The following ADSS2 variants were observed in gnomAD, a reference collection of about 807,000 sequenced individuals.
ADSS2 encodes the protein adenylosuccinate synthase 2.
In ADSS2, 30 loss-of-function variants were observed where a neutral mutation model predicts 60.0. That is an observed-to-expected ratio of 0.50 (90% CI 0.37 to 0.68). ADSS2 has a LOEUF of 0.68. Among genes scored for constraint, ADSS2 ranks in the 30% least tolerant of loss-of-function variants. The pLI, the probability that ADSS2 is intolerant of heterozygous loss-of-function variation, is 0.00. For synonymous variants in ADSS2, 187 were observed against 193.1 expected, an observed-to-expected ratio of 0.97 and a Z score of 0.26; for missense variants, 373 against 554.8, an observed-to-expected ratio of 0.67 and a Z score of 3.29.
At position 244,451,628 on chromosome 1, in the gene ADSS2, G is replaced by A. The variant is rs568529477; in HGVS notation, c.183+7C>T. The stretch of plus-strand genomic sequence containing the variant: ...CCGGCTTCCCATGAGAGGCCCCGTC[G>A]CCTCACCTGGCAGCGGCACACGATG... On this transcript the variant is annotated splice_region_variant and intron_variant, in intron 1 of 12. Coordinates refer to ENST00000366535, the MANE Select transcript of ADSS2 (RefSeq NM_001126.5). The surrounding 1 kb of genome is among the most constrained non-coding windows in gnomAD (Gnocchi z 6.6). The A allele has an allele frequency of 1.6e-5, 25 of 1,605,636 alleles. No homozygotes were observed. The South Asian group carries it at 2.1e-4, about 14-fold the overall frequency.
intron 12 of ADSS2, 28 bp downstream of exon 12, chr1:244,411,259 A>C (rs1274833190): frequency 6.3e-7 from 1 of 1,575,622 alleles, no homozygotes; most frequent in Non-Finnish European, 8.6e-7. Flanking sequence ...GAAAAGAAAA[A>C]ACTTATTCAC....
rs755592759 is a variant in ADSS2 at position 244,411,314 on chromosome 1, A to G, written c.1291T>C (p.Phe431Leu). The G allele has an allele frequency of 1.1e-5, 18 of 1,612,448 alleles. No homozygotes were observed. The South Asian group carries it at 1.8e-4, about 16-fold the overall frequency. The change falls in exon 12 of 13, where the codon TTT (phenylalanine) becomes CTT (leucine). Residue 431 changes from phenylalanine to leucine, a missense_variant. Phe to Leu is a conservative substitution (Grantham distance 22). Coordinates refer to ENST00000366535, the MANE Select transcript of ADSS2 (RefSeq NM_001126.5). ...GGAATTTGAAGCTCATCTTCAATAA[A>G]TCGAACATAGTTTTGTGCATTAACA... is the stretch of plus-strand genomic sequence containing the variant. ...LPVNAQNYVRFIEDELQIPVK... is the reference protein window; with the variant it reads ...LPVNAQNYVRLIEDELQIPVK...
chr1:244,418,874 T>G lies in ADSS2; in HGVS notation c.831A>C (p.Gly277=), dbSNP rs748024212. 30 of 1,613,272 alleles carry G rather than the reference T, an allele frequency of 1.9e-5. 1 individual carries two copies. In the East Asian group the frequency reaches 6.7e-4, roughly 36 times the overall value. The change falls in exon 9 of 13, where the codon GGA becomes GGC. Residue 277 remains glycine, a synonymous_variant. Coordinates refer to ENST00000366535, the MANE Select transcript of ADSS2 (RefSeq NM_001126.5). ...PFVTSSNCTV[G]GVCTGLGMPP... ...GCATACCCAAACCAGTACAAACACC[T>G]CCAACAGTACAATTTGAAGAGGTTA...
At chr1:244,452,003 G>A (rs940014305), upstream of ADSS2, 11 of 563,048 alleles carry the variant, frequency 2.0e-5, no homozygotes, top group Non-Finnish European at 3.2e-5. Flanking sequence ...GCCCGCTCAA[G>A]GGGGTACCAT....
At chr1:244,437,643 T>G (rs1247244307) in intron 2 of ADSS2, 23 bp downstream of exon 2, 1 of 1,472,478 alleles carries the variant, frequency 6.8e-7, no homozygotes, top group Non-Finnish European at 9.5e-7. Flanking sequence ...GGAATCTCCA[T>G]GCAGTTCAGT....
chr1:244,446,815 T>C (rs1665403961), intron 1 of ADSS2, among the ~76,000 whole-genome samples: 1 of 152,168 alleles, frequency 6.6e-6, no homozygotes. Context: ...TGATAAAAAT[T>C]CACCTAATTA....
chr1:244,424,645 A>G, intron 4 of ADSS2: 1 of 271,592 alleles, frequency 3.7e-6, no homozygotes, highest in Non-Finnish European at 7.0e-6. Context: ...ATTTTGAAAC[A>G]TCTTGCCCTA....
rs201727111 is a variant in ADSS2, at chr1:244,441,967, CAA to C, written c.184-4201_184-4200del. Among the ~76,000 whole-genome samples the C allele has an allele frequency of 7.9e-3, 1,199 of 152,056 alleles. 28 individuals are homozygous for C. The highest frequency in any genetic ancestry group is 0.027 in the Admixed American group (413 of 15,272). ...CAAGACTCTGTCTCAAACAAACAAA[CAA>C]AAAGTTTTAAAAAATTCATCATTTG... On this transcript the variant is annotated intron_variant, in intron 1 of 12. Coordinates refer to ENST00000366535, the MANE Select transcript of ADSS2 (RefSeq NM_001126.5).
chr1:244,415,311 T>C (rs1276227939), intron 11 of ADSS2, among the ~76,000 whole-genome samples: 2 of 152,234 alleles, frequency 1.3e-5, no homozygotes, highest in Admixed American at 6.5e-5. Flanking sequence ...TGTCCTACAA[T>C]GGCAGTAGAT....
chr1:244,409,780 T>C, intron 12 of ADSS2, 142 bp from the exon 13 acceptor site: 2 of 651,898 alleles, frequency 3.1e-6, no homozygotes, highest in Non-Finnish European at 5.5e-6. Flanking sequence ...TCTATTCTGT[T>C]AGCAGACTGT....
chr1:244,409,689 C>T (rs1664367711), intron 12 of ADSS2, 51 bp from the exon 13 acceptor site: 1 of 1,436,908 alleles, frequency 7.0e-7, no homozygotes, highest in Admixed American at 1.7e-5. Flanking sequence ...CTCTAATGTT[C>T]ACTCGTTGGG....
intron 3 of ADSS2, among the ~76,000 whole-genome samples, chr1:244,434,432 T>C (rs932551747): frequency 3.9e-5 from 6 of 152,076 alleles, no homozygotes; most frequent in African/African-American, 1.4e-4. Flanking sequence ...AAAGACAAAT[T>C]GCTAAGCTGC....
chr1:244,415,153 T>C (rs115280702), intron 11 of ADSS2, among the ~76,000 whole-genome samples: 114 of 152,348 alleles, frequency 7.5e-4, no homozygotes, highest in African/African-American at 2.4e-3. Context: ...TACATTACCA[T>C]AGATGACAGA....
intron 12 of ADSS2, among the ~76,000 whole-genome samples, chr1:244,409,906 T>C (rs1396394406): frequency 6.6e-6 from 1 of 152,202 alleles, no homozygotes; most frequent in Non-Finnish European, 1.5e-5. Flanking sequence ...TAGTAAAATA[T>C]TGACCAACAC....
chr1:244,420,179 T>C lies in ADSS2; in HGVS notation c.781A>G (p.Ile261Val). ...VEGANAALLD[I>V]DFGTYPFVTS... ...GTCATATCTCACTTACCAAAATCAA[T>C]ATCTAATAGTGCTGCATTTGCACCT... Residue 261 changes from isoleucine to valine, a missense_variant, in exon 8 of 13, where the codon ATT becomes GTT. This residue lies in a region of ADSS2 where 28 missense variants were observed against 74.4 expected (regional missense o/e 0.38). Coordinates refer to ENST00000366535, the MANE Select transcript of ADSS2 (RefSeq NM_001126.5). 6.2e-7 allele frequency: 1 copy of C among 1,613,232 alleles called. No homozygotes were observed. Among genetic ancestry groups the C allele is most frequent in the Non-Finnish European group, 8.5e-7 (1 of 1,179,498 alleles).
chr1:244,411,554 G>A (rs1664419017), intron 11 of ADSS2, 118 bp from the exon 12 acceptor site: 10 of 1,060,682 alleles, frequency 9.4e-6, no homozygotes, highest in Non-Finnish European at 1.3e-5. Flanking sequence ...TATGTTTTGG[G>A]ATTTAGAATT....
At chr1:244,414,637 A>C (rs1037232318) in intron 11 of ADSS2, among the ~76,000 whole-genome samples, 3 of 152,224 alleles carry the variant, frequency 2.0e-5, no homozygotes, top group African/African-American at 7.2e-5. Context: ...AAGTTTCCCT[A>C]GGAAAGACAA....
chr1:244,435,889 C>T (rs901405350), intron 3 of ADSS2, among the ~76,000 whole-genome samples: 2 of 152,190 alleles, frequency 1.3e-5, no homozygotes, highest in Non-Finnish European at 2.9e-5. Context: ...GCAGCAACAA[C>T]GAAGCAGGCT....
chr1:244,429,689 G>C (rs1664888602), intron 4 of ADSS2, among the ~76,000 whole-genome samples: 4 of 152,188 alleles, frequency 2.6e-5, no homozygotes, highest in South Asian at 4.1e-4. Context: ...AGACCAGCCT[G>C]GCCAACATGG....
Sources: gnomAD v4.1 joint callset for allele counts (sites outside exome capture counted in the v4.1 genomes callset) on GRCh38, gnomAD v4.1.1 for gene constraint, gnomAD v4.1.1 regional missense constraint, Gnocchi (gnomAD v3.1) non-coding constraint, MANE v1.5 for transcripts, NCBI Gene and HGNC (gene_info 2026-07-23, HGNC 2026-07-21) for gene names.